Variants in PAM observed in about 807,000 individuals in gnomAD.
The protein encoded by PAM is peptidylglycine alpha-amidating monooxygenase.
PAM carries 72 observed loss-of-function variants against 122.1 expected under a neutral mutation model. That is an observed-to-expected ratio of 0.59 (90% confidence interval 0.49 to 0.72). PAM has a LOEUF of 0.72. PAM is among the 30% of genes least tolerant of loss of function. PAM has a pLI of 0.00. For synonymous variants in PAM, 389 were observed against 404.4 expected (o/e 0.96, Z 0.46); for missense variants, 1,106 against 1,183.7 (o/e 0.93, Z 0.96).
At chr5:102,833,131 A>C (rs1775926627) in intron 1 of PAM, among the ~76,000 whole-genome samples, 1 of 152,290 alleles carries the variant, frequency 6.6e-6, no homozygotes, top group South Asian at 2.1e-4. Context: ...GAAAAGAGAG[A>C]AAAAGTGAAT....
intron 15 of PAM, among the ~76,000 whole-genome samples, chr5:102,983,245 G>C (rs1226869264): frequency 6.6e-6 from 1 of 151,908 alleles, no homozygotes; most frequent in Non-Finnish European, 1.5e-5. Context: ...AGGAGTTTGA[G>C]ACCAGCTGGC....
intron 1 of PAM, among the ~76,000 whole-genome samples, chr5:102,768,371 T>C (rs1287102904): frequency 2.0e-5 from 3 of 152,108 alleles, no homozygotes; most frequent in African/African-American, 7.2e-5. Context: ...TTTTTAGTTA[T>C]TTTAAAATGT....
chr5:102,882,098 T>C (rs1791419190), intron 3 of PAM, among the ~76,000 whole-genome samples: 5 of 82,616 alleles, frequency 6.1e-5, no homozygotes, highest in South Asian at 3.8e-4. Context: ...TATATATATA[T>C]ATATATATAT....
chr5:102,871,870 T>C (rs1446756557), intron 3 of PAM, among the ~76,000 whole-genome samples: 1 of 151,760 alleles, frequency 6.6e-6, no homozygotes, highest in East Asian at 1.9e-4. Flanking sequence ...TAGGTTTATG[T>C]AGCATTCTAT....
chr5:102,814,431 C>T (rs1212036470), intron 1 of PAM, among the ~76,000 whole-genome samples: 1 of 151,822 alleles, frequency 6.6e-6, no homozygotes, highest in African/African-American at 2.4e-5. Context: ...TGATGGTGCA[C>T]TAAGTACAAT....
chr5:102,872,357 A>G (rs1787804765), intron 3 of PAM, among the ~76,000 whole-genome samples: 1 of 152,236 alleles, frequency 6.6e-6, no homozygotes, highest in Non-Finnish European at 1.5e-5. Flanking sequence ...TAAAATATTG[A>G]TGAAAGAATG....
chr5:102,834,704 A>G (rs556140775), intron 1 of PAM, among the ~76,000 whole-genome samples: 1 of 152,176 alleles, frequency 6.6e-6, no homozygotes, highest in Non-Finnish European at 1.5e-5. Context: ...AAGATGCTGA[A>G]GTAGGAGCCT....
chr5:102,842,202 C>G (rs1215842671), intron 1 of PAM, among the ~76,000 whole-genome samples: 1 of 140,614 alleles, frequency 7.1e-6, no homozygotes, highest in East Asian at 2.0e-4. Flanking sequence ...AAAATACAAC[C>G]TAAATATATA....
chr5:102,935,317 CTGT>C (rs1278182835), intron 7 of PAM, among the ~76,000 whole-genome samples: 4 of 151,654 alleles, frequency 2.6e-5, no homozygotes, highest in African/African-American at 4.8e-5. Context: ...AGATCTGCAT[CTGT>C]TGTTGTTGTT....
chr5:102,783,074 T>C (rs1362477804), intron 1 of PAM, among the ~76,000 whole-genome samples: 1 of 152,064 alleles, frequency 6.6e-6, no homozygotes, highest in East Asian at 1.9e-4. Flanking sequence ...ATAAGAGGTA[T>C]TTTCATTGAG....
At chr5:102,919,006 A>G (rs1375925257) in intron 5 of PAM, among the ~76,000 whole-genome samples, 2 of 152,140 alleles carry the variant, frequency 1.3e-5, no homozygotes, top group Non-Finnish European at 2.9e-5. Flanking sequence ...TTAACAAACC[A>G]AAGATGGCTT....
At chr5:102,904,321 A>G (rs1345099741) in intron 4 of PAM, among the ~76,000 whole-genome samples, 1 of 151,482 alleles carries the variant, frequency 6.6e-6, no homozygotes, top group East Asian at 1.9e-4. Context: ...TTTCCTTAAG[A>G]CACTTAATGA....
intron 1 of PAM, among the ~76,000 whole-genome samples, chr5:102,775,791 C>T (rs1757009339): frequency 6.6e-6 from 1 of 152,116 alleles, no homozygotes; most frequent in African/African-American, 2.4e-5. Context: ...AATAGTGCTG[C>T]AATAAACATA....
chr5:103,013,929 C>T lies in PAM; in HGVS notation c.2332-3405C>T, dbSNP rs550540997. Reference sequence around the variant, plus strand: ...ATAAGATTTTTCTAGAAATATTTCACCAGAAAAGCAATAGGCAATGAAATC... The same window carrying T: ...ATAAGATTTTTCTAGAAATATTTCATCAGAAAAGCAATAGGCAATGAAATC... On this transcript the variant is annotated intron_variant, in intron 21 of 25. Coordinates refer to ENST00000438793, the MANE Select transcript of PAM (RefSeq NM_001177306.2). Among the ~76,000 whole-genome samples the T allele has an allele frequency of 3.3e-5, 5 of 152,208 alleles. No individual in the cohort carries two copies. In the South Asian group the frequency reaches 1.0e-3, roughly 32 times the overall value.
intron 1 of PAM, among the ~76,000 whole-genome samples, chr5:102,820,873 A>G (rs1249246179): frequency 6.6e-6 from 1 of 152,162 alleles, no homozygotes; most frequent in Non-Finnish European, 1.5e-5. Context: ...ATTCTGAAGA[A>G]CCCTGGAATA....
chr5:102,990,153 T>G, intron 15 of PAM, 119 bp from the exon 16 acceptor site: 5 of 678,190 alleles, frequency 7.4e-6, no homozygotes, highest in Non-Finnish European at 1.1e-5. Flanking sequence ...CTTGATTGTC[T>G]TTTTTTATTT....
Position 102,990,308 on chromosome 5 carries a change from T to C in PAM, c.1520T>C (p.Val507Ala). 1 of 1,605,800 alleles carries C rather than the reference T, an allele frequency of 6.2e-7. No individual in the cohort carries two copies. Among genetic ancestry groups the C allele is most frequent in the Admixed American group, 1.7e-5 (1 of 59,744 alleles). ...GAAGAGGCACTGGATTGGCCTGGAGTATACTTGTTACCAGGCCAGGTTTCT... is the reference window on the plus strand; with the variant it reads ...GAAGAGGCACTGGATTGGCCTGGAGCATACTTGTTACCAGGCCAGGTTTCT... ...HMEEALDWPG[V>A]YLLPGQVSGV... The change falls in exon 16 of 26, where the codon GTA (valine) becomes GCA (alanine). Residue 507 changes from valine to alanine, a missense_variant. Val to Ala is a moderately conservative substitution (Grantham distance 64). Around this residue, in one of 3 missense-constraint regions of PAM, gnomAD observed 670 missense variants for 690.3 expected, o/e 0.97. Transcript: ENST00000438793.
At chr5:102,823,818 A>T (rs972782242) in intron 1 of PAM, among the ~76,000 whole-genome samples, 12 of 152,194 alleles carry the variant, frequency 7.9e-5, no homozygotes, top group African/African-American at 2.2e-4. Context: ...TCTCATGTTC[A>T]CTTCATAGAG....
intron 3 of PAM, among the ~76,000 whole-genome samples, chr5:102,868,916 C>T (rs910112429): frequency 1.3e-5 from 2 of 152,170 alleles, no homozygotes; most frequent in African/African-American, 4.8e-5. Context: ...GGAGGAGCTC[C>T]ATTTTCATAA....
Sources: allele counts gnomAD v4.1 joint callset (sites outside exome capture counted in the v4.1 genomes callset), GRCh38; gene constraint gnomAD v4.1.1; regional missense constraint gnomAD v4.1.1; transcripts MANE v1.5; gene names NCBI Gene and HGNC (gene_info 2026-07-23, HGNC 2026-07-21).